The following PDE4D variants were observed in gnomAD, a reference collection of about 807,000 sequenced individuals.
PDE4D encodes phosphodiesterase 4D.
PDE4D carries 24 observed loss-of-function variants against 87.4 expected under a neutral mutation model. The ratio of observed to expected loss-of-function variants is 0.27; its 90% CI spans 0.20 to 0.39. PDE4D has a LOEUF of 0.39. Among genes scored for constraint, PDE4D ranks in the 10% least tolerant of loss-of-function variants. The pLI is 1.00. For missense variants in PDE4D, 714 were observed against 1,041.0 expected, an observed-to-expected ratio of 0.69 and a Z score of 4.32; for synonymous variants, 384 against 383.2, an observed-to-expected ratio of 1.00 and a Z score of -0.02.
intron 1 of PDE4D, among the ~76,000 whole-genome samples, chr5:59,641,098 G>A (rs967192136): frequency 6.6e-6 from 1 of 152,076 alleles, no homozygotes; most frequent in Non-Finnish European, 1.5e-5. Flanking sequence ...AGGTTAAAGT[G>A]ACTTTCTCCG....
chr5:59,204,520 A>C (rs369652836), intron 2 of PDE4D, among the ~76,000 whole-genome samples: 2 of 152,356 alleles, frequency 1.3e-5, no homozygotes, highest in African/African-American at 4.8e-5. Context: ...ATGTGTGTAG[A>C]CATATTCACT....
intron 1 of PDE4D, among the ~76,000 whole-genome samples, chr5:59,590,020 C>A (rs1825699445): frequency 6.6e-6 from 1 of 152,056 alleles, no homozygotes; most frequent in Non-Finnish European, 1.5e-5. Flanking sequence ...TAATTTATTT[C>A]ACAGTTCAGA....
At chr5:59,829,887 C>A (rs1345863522) in intron 1 of PDE4D, among the ~76,000 whole-genome samples, 1 of 151,912 alleles carries the variant, frequency 6.6e-6, no homozygotes, top group Non-Finnish European at 1.5e-5. Context: ...TTGGAATTCA[C>A]CTTCTTTCTT....
chr5:59,257,066 T>A (rs1474101352), intron 1 of PDE4D, among the ~76,000 whole-genome samples: 1 of 152,038 alleles, frequency 6.6e-6, no homozygotes, highest in African/African-American at 2.4e-5. Flanking sequence ...TAATAAATGT[T>A]ATGATGTTGA....
intron 1 of PDE4D, among the ~76,000 whole-genome samples, chr5:59,303,133 T>C (rs1455756739): frequency 2.0e-5 from 3 of 152,204 alleles, no homozygotes; most frequent in African/African-American, 7.2e-5. Flanking sequence ...ATTTCCTTGA[T>C]CATTAGTGAT....
At chr5:60,179,881 T>G (rs935350509) in intron 2 of PDE4D, among the ~76,000 whole-genome samples, 4 of 152,170 alleles carry the variant, frequency 2.6e-5, no homozygotes, top group African/African-American at 9.7e-5. Context: ...GATAGAAAAC[T>G]CCACCAGTTA....
chr5:59,094,543 C>T (rs929248352), intron 5 of PDE4D, among the ~76,000 whole-genome samples: 25 of 151,854 alleles, frequency 1.6e-4, no homozygotes, highest in African/African-American at 5.1e-4. Flanking sequence ...AGGTCTATTG[C>T]GTGCCCAGGG....
intron 1 of PDE4D, among the ~76,000 whole-genome samples, chr5:59,490,027 T>G (rs1269134834): frequency 6.6e-6 from 1 of 152,214 alleles, no homozygotes; most frequent in Admixed American, 6.5e-5. Flanking sequence ...ACATTTTAAT[T>G]GTTTATTACT....
chr5:60,357,498 A>G (rs1382180147), intron 1 of PDE4D, among the ~76,000 whole-genome samples: 1 of 152,108 alleles, frequency 6.6e-6, no homozygotes, highest in Non-Finnish European at 1.5e-5. Flanking sequence ...TACAATTTCA[A>G]CTCATTAAAA....
At chr5:59,275,021 A>G (rs1303685647) in intron 1 of PDE4D, among the ~76,000 whole-genome samples, 1 of 152,168 alleles carries the variant, frequency 6.6e-6, no homozygotes, top group African/African-American at 2.4e-5. Context: ...AGCAAAGAAG[A>G]TAAGAAAACA....
intron 1 of PDE4D, among the ~76,000 whole-genome samples, chr5:59,576,397 AT>A (rs1161618341): frequency 3.3e-5 from 5 of 152,152 alleles, no homozygotes; most frequent in African/African-American, 9.6e-5. Flanking sequence ...TATCTGTATT[AT>A]TTTTTATAGC....
intron 2 of PDE4D, among the ~76,000 whole-genome samples, chr5:60,074,784 C>T (rs187681549): frequency 1.2e-4 from 19 of 152,102 alleles, no homozygotes; most frequent in African/African-American, 3.1e-4. Flanking sequence ...TTTTGAGCTT[C>T]GTTAGTTTAA....
At chr5:59,685,277 A>G (rs1749662706) in intron 1 of PDE4D, among the ~76,000 whole-genome samples, 1 of 152,216 alleles carries the variant, frequency 6.6e-6, no homozygotes, top group Non-Finnish European at 1.5e-5. Flanking sequence ...CATCTTTCAC[A>G]GCTCACGTAG....
chr5:59,496,615 G>A (rs1015869484), intron 1 of PDE4D, among the ~76,000 whole-genome samples: 1 of 152,250 alleles, frequency 6.6e-6, no homozygotes, highest in Non-Finnish European at 1.5e-5. Flanking sequence ...CGGTTCAGTC[G>A]GCCCCTAAGG....
intron 1 of PDE4D, among the ~76,000 whole-genome samples, chr5:59,237,212 A>T (rs1297536616): frequency 6.6e-6 from 1 of 152,182 alleles, no homozygotes; most frequent in Non-Finnish European, 1.5e-5. Flanking sequence ...CTGTCAATAA[A>T]GCATTATCTC....
intron 5 of PDE4D, among the ~76,000 whole-genome samples, chr5:59,144,418 G>T (rs1778326947): frequency 6.6e-6 from 1 of 152,104 alleles, no homozygotes; most frequent in African/African-American, 2.4e-5. Flanking sequence ...GCTGTAAATG[G>T]TATGTTCAGA....
intron 1 of PDE4D, among the ~76,000 whole-genome samples, chr5:60,254,839 C>T (rs1291583150): frequency 6.6e-6 from 1 of 151,794 alleles, no homozygotes; most frequent in South Asian, 2.1e-4. Context: ...ATCATAAGGT[C>T]ATTGTAAAAA....
chr5:59,650,258 T>A (rs1355391570), intron 1 of PDE4D, among the ~76,000 whole-genome samples: 1 of 152,166 alleles, frequency 6.6e-6, no homozygotes, highest in African/African-American at 2.4e-5. Context: ...AAAACACCTT[T>A]TCCTTTTAGT....
intron 1 of PDE4D, among the ~76,000 whole-genome samples, chr5:59,341,349 G>A (rs1225073652): frequency 6.6e-6 from 1 of 152,114 alleles, no homozygotes; most frequent in Admixed American, 6.6e-5. Flanking sequence ...AAATCCACAC[G>A]AGAGCTCCGT....
Sources: allele counts gnomAD v4.1 joint callset (sites outside exome capture counted in the v4.1 genomes callset), GRCh38; gene constraint gnomAD v4.1.1; transcripts MANE v1.5; gene names NCBI Gene and HGNC (gene_info 2026-07-23, HGNC 2026-07-21).